BACH2: variants seen among roughly 807,000 people sequenced by gnomAD.
The protein encoded by BACH2 is transcription regulator protein BACH2.
In BACH2, 5 loss-of-function variants were observed where a neutral mutation model predicts 61.8. The observed-to-expected ratio is 0.08, with a 90% CI of 0.04 to 0.17. The LOEUF (loss-of-function observed/expected upper bound fraction) is 0.17. BACH2 is among the 10% of genes least tolerant of loss of function. The probability of loss-of-function intolerance (pLI) is 1.00; values close to 1 mark genes in which losing one functional copy is unlikely to be tolerated. For synonymous variants in BACH2, 446 were observed against 440.1 expected (o/e 1.01, Z -0.17); for missense variants, 824 against 1,091.1 (o/e 0.76, Z 3.45).
intron 3 of BACH2, among the ~76,000 whole-genome samples, chr6:90,231,985 C>CAGAGAGAG (rs542457957): frequency 1.9e-4 from 28 of 149,260 alleles, no homozygotes; most frequent in Non-Finnish European, 2.8e-4. Context: ...GAGAGAGAGA[C>CAGAGAGAG]AGAGAGAGAG....
At chr6:89,947,732 ATT>A (rs1228343523) in intron 7 of BACH2, among the ~76,000 whole-genome samples, 1 of 146,034 alleles carries the variant, frequency 6.8e-6, no homozygotes, top group Non-Finnish European at 1.5e-5. Context: ...CGCCCAGCTA[ATT>A]TTTTTTTTTG....
chr6:89,998,845 C>T (rs1364181360), intron 6 of BACH2, among the ~76,000 whole-genome samples: 1 of 152,182 alleles, frequency 6.6e-6, no homozygotes, highest in Admixed American at 6.5e-5. Flanking sequence ...CAAAAGCTGT[C>T]TGCTTTTATA....
chr6:90,004,307 G>A (rs1346327424), intron 6 of BACH2, among the ~76,000 whole-genome samples: 1 of 152,158 alleles, frequency 6.6e-6, no homozygotes, highest in Admixed American at 6.5e-5. Context: ...GAGTGAGAGA[G>A]AGAAAGCAAA....
At chr6:90,278,167 A>G (rs1771752599) in intron 1 of BACH2, among the ~76,000 whole-genome samples, 2 of 152,230 alleles carry the variant, frequency 1.3e-5, no homozygotes, top group African/African-American at 4.8e-5. Flanking sequence ...AGCTTCAATA[A>G]TAAGTGGACT....
At chr6:90,238,611 C>T (rs989272367) in intron 3 of BACH2, among the ~76,000 whole-genome samples, 12 of 152,180 alleles carry the variant, frequency 7.9e-5, no homozygotes, top group Non-Finnish European at 2.9e-5. Context: ...AGGCATAAAA[C>T]AGGCTGGGAC....
intron 5 of BACH2, among the ~76,000 whole-genome samples, chr6:90,056,568 C>T (rs1780365038): frequency 1.3e-5 from 2 of 151,982 alleles, no homozygotes; most frequent in South Asian, 4.2e-4. Context: ...ATCAACGAGA[C>T]AGAAAGTTAA....
chr6:90,101,000 ATGAT>A (rs1192495674), intron 4 of BACH2, among the ~76,000 whole-genome samples: 3 of 152,178 alleles, frequency 2.0e-5, no homozygotes, highest in Non-Finnish European at 4.4e-5. Context: ...CTAATGACCA[ATGAT>A]GCTGAACATC....
intron 5 of BACH2, among the ~76,000 whole-genome samples, chr6:90,079,183 G>T (rs964476652): frequency 2.0e-5 from 3 of 152,178 alleles, no homozygotes; most frequent in African/African-American, 7.2e-5. Context: ...TCAGCAGCCA[G>T]ATGCAGGGGA....
At chr6:90,243,318 T>C (rs927556795) in intron 3 of BACH2, among the ~76,000 whole-genome samples, 1 of 152,200 alleles carries the variant, frequency 6.6e-6, no homozygotes, top group Non-Finnish European at 1.5e-5. Context: ...ATGATCTTTG[T>C]GATGCCAATA....
chr6:90,053,031 C>T (rs9444736), intron 5 of BACH2, among the ~76,000 whole-genome samples: 149,787 of 152,282 alleles, frequency 0.98, 73,675 homozygotes, highest in East Asian at 1. Context: ...AGAAGTTATA[C>T]ACTAGTTCTT....
intron 6 of BACH2, among the ~76,000 whole-genome samples, chr6:89,980,342 T>A (rs1775883250): frequency 6.6e-6 from 1 of 151,838 alleles, no homozygotes; most frequent in Non-Finnish European, 1.5e-5. Context: ...TTTCACATCA[T>A]CCTTGGTAAA....
intron 3 of BACH2, among the ~76,000 whole-genome samples, chr6:90,229,181 C>G (rs2127859388): frequency 1.3e-5 from 2 of 152,262 alleles, no homozygotes; most frequent in South Asian, 4.1e-4. Flanking sequence ...AAATCAGAGG[C>G]TGGGCGGTGG....
At chr6:90,122,321 T>C (rs775937683) in intron 4 of BACH2, among the ~76,000 whole-genome samples, 7 of 152,114 alleles carry the variant, frequency 4.6e-5, no homozygotes, top group Non-Finnish European at 8.8e-5. Flanking sequence ...GAAGCAAGGA[T>C]CGAGTCAGTA....
intron 5 of BACH2, among the ~76,000 whole-genome samples, chr6:90,026,138 G>A (rs1022130163): frequency 7.2e-5 from 11 of 152,246 alleles, no homozygotes; most frequent in South Asian, 2.1e-4. Flanking sequence ...GTCAAATGCC[G>A]AAAAGAGGGG....
At chr6:89,952,102 A>G in intron 6 of BACH2, 1 of 557,782 alleles carries the variant, frequency 1.8e-6, no homozygotes, top group Non-Finnish European at 3.2e-6. Context: ...CACCAGGGTC[A>G]AGTGGCTAAA....
intron 1 of BACH2, among the ~76,000 whole-genome samples, chr6:90,296,198 C>T (rs932314611): frequency 1.3e-5 from 2 of 152,092 alleles, no homozygotes; most frequent in East Asian, 1.9e-4. Context: ...TCGACGCCAG[C>T]AAAATACAAT....
At chr6:90,019,723 G>A (rs555090771) in intron 5 of BACH2, among the ~76,000 whole-genome samples, 11 of 152,304 alleles carry the variant, frequency 7.2e-5, no homozygotes, top group African/African-American at 2.6e-4. Flanking sequence ...TACAGGGAAT[G>A]GGGTGGACAA....
intron 4 of BACH2, among the ~76,000 whole-genome samples, chr6:90,100,028 T>C (rs959864805): frequency 6.6e-6 from 1 of 152,178 alleles, no homozygotes; most frequent in Non-Finnish European, 1.5e-5. Context: ...GAATCATCTA[T>C]TATGAGGCCT....
In BACH2 at chr6:89,969,140, G is replaced by A. The variant is rs549249835; in HGVS notation, c.244-17278C>T. On this transcript the variant is annotated intron_variant, in intron 6 of 8. Transcript: ENST00000257749. The stretch of plus-strand genomic sequence containing the variant: ...GCGATCTTGGCTCACCGCAACCTCC[G>A]CCTCCTGGGTTCAAGCGATTCTCCT... Among the ~76,000 whole-genome samples the A allele has an allele frequency of 1.7e-4, 23 of 135,598 alleles. 1 individual carries two copies. Among genetic ancestry groups the A allele is most frequent in the Admixed American group, 7.5e-4 (9 of 12,070 alleles). The allele number at this position is 135,598 out of a possible 152,430, so 89.0% of individuals were successfully genotyped here.
Sources: allele counts gnomAD v4.1 joint callset (sites outside exome capture counted in the v4.1 genomes callset), GRCh38; gene constraint gnomAD v4.1.1; transcripts MANE v1.5; gene names NCBI Gene and HGNC (gene_info 2026-07-23, HGNC 2026-07-21).